CSMD1: variants seen among roughly 807,000 people sequenced by gnomAD.
CSMD1 encodes the protein CUB and sushi domain-containing protein 1.
CSMD1 carries 213 observed loss-of-function variants against 417.5 expected under a neutral mutation model. The observed-to-expected ratio is 0.51, with a 90% CI of 0.46 to 0.57. The LOEUF (loss-of-function observed/expected upper bound fraction) is 0.57. Among genes scored for constraint, CSMD1 ranks in the 20% least tolerant of loss-of-function variants. CSMD1 has a pLI of 0.00. For missense variants in CSMD1, 6,923 were observed against 4,529.7 expected (o/e 1.53, Z -15.17); for synonymous variants, 2,862 against 1,736.8 (o/e 1.65, Z -16.11).
chr8:2,998,046 T>G lies in CSMD1; in HGVS notation c.8342A>C (p.Asn2781Thr). The change falls in exon 54 of 70, where the codon AAC becomes ACC. Residue 2781 changes from asparagine (N) to threonine (T), a missense_variant. Asn to Thr is a moderately conservative substitution (Grantham distance 65). Coordinates refer to ENST00000635120, the MANE Select transcript of CSMD1 (RefSeq NM_033225.6). ...GGGCAGAGGGCTACTCCACTGGCCG[T>G]TGCTCCGACACTGGGCTCGAGACAC... ...QGVSRAQCRS[N>T]GQWSSPLPTC... is the part of the protein sequence containing the mutation. 1 of 1,613,988 alleles carries G rather than the reference T, an allele frequency of 6.2e-7. No homozygotes were observed. Among genetic ancestry groups the G allele is most frequent in the Non-Finnish European group, 8.5e-7 (1 of 1,179,864 alleles).
intron 5 of CSMD1, among the ~76,000 whole-genome samples, chr8:3,814,945 T>C (rs1801291640): frequency 6.6e-6 from 1 of 151,994 alleles, no homozygotes; most frequent in African/African-American, 2.4e-5. Flanking sequence ...AAGTCAGCCA[T>C]CCCAAAAAAA....
intron 54 of CSMD1, among the ~76,000 whole-genome samples, chr8:2,990,234 C>G (rs960746506): frequency 6.6e-6 from 1 of 152,246 alleles, no homozygotes; most frequent in East Asian, 1.9e-4. Flanking sequence ...ACACTAATAT[C>G]TGTCTTCCCA....
intron 49 of CSMD1, among the ~76,000 whole-genome samples, chr8:3,054,011 T>G (rs1321595230): frequency 6.6e-6 from 1 of 152,090 alleles, no homozygotes; most frequent in African/African-American, 2.4e-5. Context: ...AACACATAAT[T>G]CTACATATAA....
chr8:3,468,622 G>C (rs746375284), intron 12 of CSMD1, 90 bp downstream of exon 12: 16 of 722,320 alleles, frequency 2.2e-5, no homozygotes, highest in Non-Finnish European at 3.2e-5. Context: ...TTGACTTGTT[G>C]ATTTTACTTC....
Position 3,108,702 on chromosome 8 carries a change from T to A in CSMD1, c.6655A>T (p.Asn2219Tyr), listed in dbSNP as rs778984589. 19 of 1,613,668 alleles carry A rather than the reference T, an allele frequency of 1.2e-5. No individual in the cohort carries two copies. Among genetic ancestry groups the A allele is most frequent in the Non-Finnish European group, 1.6e-5 (19 of 1,179,766 alleles). The stretch of plus-strand genomic sequence containing the variant: ...CTATACGCCGTTTCGAGGGCTGTGT[T>A]GCCACTGAAAACTCCCAGCTGGGGT... ...NSPQLGVFSG[N>Y]TALETAYSST... Residue 2219 changes from asparagine (N) to tyrosine (Y), a missense_variant, in exon 44 of 70, where the codon AAC (asparagine) becomes TAC (tyrosine). Transcript: ENST00000635120.
chr8:4,591,378 T>C (rs925510226), intron 2 of CSMD1, among the ~76,000 whole-genome samples: 7 of 152,218 alleles, frequency 4.6e-5, no homozygotes, highest in Non-Finnish European at 8.8e-5. Flanking sequence ...CTTGGATATA[T>C]GAATACAACT....
At chr8:4,850,048 T>A (rs1237773081) in intron 1 of CSMD1, among the ~76,000 whole-genome samples, 1 of 152,194 alleles carries the variant, frequency 6.6e-6, no homozygotes. Flanking sequence ...GTACTATACT[T>A]GGCTTTTTTT....
intron 1 of CSMD1, among the ~76,000 whole-genome samples, chr8:4,967,379 T>C (rs886809612): frequency 6.6e-6 from 1 of 152,186 alleles, no homozygotes; most frequent in African/African-American, 2.4e-5. Flanking sequence ...ACTGCCATGA[T>C]AAAGCCATTT....
chr8:3,238,329 C>T (rs1372167234), intron 26 of CSMD1, among the ~76,000 whole-genome samples: 3 of 152,024 alleles, frequency 2.0e-5, no homozygotes, highest in Non-Finnish European at 2.9e-5. Flanking sequence ...TCAGTTAAGG[C>T]AGGAACTGGC....
chr8:4,787,473 C>G (rs1406790288), intron 1 of CSMD1: 2 of 823,732 alleles, frequency 2.4e-6, no homozygotes, highest in African/African-American at 1.7e-5. Context: ...GAAGGAAAAG[C>G]TGCAATCTCA....
chr8:4,793,598 C>G (rs192797157), intron 1 of CSMD1, among the ~76,000 whole-genome samples: 2 of 151,810 alleles, frequency 1.3e-5, no homozygotes, highest in Admixed American at 6.6e-5. Context: ...TGAGGCATTG[C>G]TCACTATCAT....
At chr8:3,627,257 C>G (rs770257044) in intron 7 of CSMD1, among the ~76,000 whole-genome samples, 1 of 152,130 alleles carries the variant, frequency 6.6e-6, no homozygotes, top group Non-Finnish European at 1.5e-5. Flanking sequence ...TTCTGTGCAG[C>G]TGTTCATGCC....
chr8:4,738,927 G>A (rs1004598262), intron 1 of CSMD1, among the ~76,000 whole-genome samples: 1 of 152,070 alleles, frequency 6.6e-6, no homozygotes, highest in African/African-American at 2.4e-5. Context: ...GTGTGTATGT[G>A]TTAGAAGGCA....
intron 26 of CSMD1, among the ~76,000 whole-genome samples, chr8:3,254,756 C>T (rs551913335): frequency 6.6e-6 from 1 of 152,226 alleles, no homozygotes; most frequent in South Asian, 2.1e-4. Flanking sequence ...ATTGGTTATT[C>T]TAGTTAGCCA....
At chr8:4,850,669 C>G (rs1006195188) in intron 1 of CSMD1, among the ~76,000 whole-genome samples, 1 of 152,008 alleles carries the variant, frequency 6.6e-6, no homozygotes, top group African/African-American at 2.4e-5. Context: ...GCTCCTTACC[C>G]CCTTAGCTTT....
chr8:3,574,277 G>C lies in CSMD1; in HGVS notation c.1344+668C>G, dbSNP rs375617105. 8.2e-4 allele frequency among the ~76,000 whole-genome samples: 125 copies of C among 152,330 alleles called. 7 individuals are homozygous for C. In the South Asian group the frequency reaches 0.025, roughly 31 times the overall value. ...TTTTCTTGATATGGAGTCTTGCTCT[G>C]TCGCCCAGGCTGGAGTGCAGTGGCA... On this transcript the variant is annotated intron_variant, in intron 10 of 69. Transcript: ENST00000635120.
chr8:4,062,923 A>G (rs1251169646), intron 3 of CSMD1, among the ~76,000 whole-genome samples: 1 of 151,994 alleles, frequency 6.6e-6, no homozygotes, highest in East Asian at 1.9e-4. Context: ...TGCAAAAAAA[A>G]AAAATTCTTC....
chr8:4,627,118 T>G (rs1802163395), intron 2 of CSMD1, among the ~76,000 whole-genome samples: 1 of 152,160 alleles, frequency 6.6e-6, no homozygotes, highest in Admixed American at 6.5e-5. Context: ...AGTAAACAAC[T>G]ATACATTTCA....
At chr8:4,904,943 G>T (rs1167732429) in intron 1 of CSMD1, among the ~76,000 whole-genome samples, 1 of 152,072 alleles carries the variant, frequency 6.6e-6, no homozygotes, top group Non-Finnish European at 1.5e-5. Flanking sequence ...GGCCTCTTTG[G>T]GACAAGGGAC....
Sources: allele counts gnomAD v4.1 joint callset (sites outside exome capture counted in the v4.1 genomes callset), GRCh38; gene constraint gnomAD v4.1.1; transcripts MANE v1.5; gene names NCBI Gene and HGNC (gene_info 2026-07-23, HGNC 2026-07-21).